The following TBC1D30 variants were observed in gnomAD, a reference collection of about 807,000 sequenced individuals.
TBC1D30 encodes TBC1 domain family, member 30.
A neutral mutation model predicts 63.2 loss-of-function variants in TBC1D30; 31 were observed. The observed-to-expected ratio is 0.49, with a 90% confidence interval of 0.37 to 0.66. The LOEUF (loss-of-function observed/expected upper bound fraction) is 0.66, where lower values mean the gene tolerates loss of function less well. TBC1D30 is among the 30% of genes least tolerant of loss of function. TBC1D30 has a pLI of 0.00. For synonymous variants in TBC1D30, 307 were observed against 361.5 expected (o/e 0.85, Z 1.71); for missense variants, 810 against 953.6 (o/e 0.85, Z 1.98).
chr12:64,781,255 G>A, exon 1 of TBC1D30: 1 of 1,157,022 alleles, frequency 8.6e-7, no homozygotes, highest in Non-Finnish European at 1.1e-6. Flanking sequence ...GACCGAGCCA[G>A]CGGCATCAGA....
intron 2 of TBC1D30, among the ~76,000 whole-genome samples, chr12:64,802,155 T>C (rs1872611438): frequency 6.6e-6 from 1 of 152,232 alleles, no homozygotes; most frequent in Non-Finnish European, 1.5e-5. Flanking sequence ...AGCTCTTTTT[T>C]GGTTCTGTCC....
rs1229851305 is a variant in TBC1D30 at position 64,848,428 on chromosome 12, C to T, written c.1038+4943C>T. Among the ~76,000 whole-genome samples the T allele has an allele frequency of 2.0e-5, 3 of 152,066 alleles. No homozygotes were observed. In the East Asian group the frequency reaches 5.8e-4, roughly 29 times the overall value. ...TCCTAATGCTATCCCTCCCTTAGCC[C>T]CATACCCCGCGACAGGCCCCGGTAT... On this transcript the variant is annotated intron_variant, in intron 8 of 11. Coordinates refer to ENST00000539867, the MANE Select transcript of TBC1D30 (RefSeq NM_015279.2).
chr12:64,827,526 T>C (rs1874463072), intron 1 of TBC1D30, among the ~76,000 whole-genome samples: 1 of 152,184 alleles, frequency 6.6e-6, no homozygotes, highest in South Asian at 2.1e-4. Flanking sequence ...AGGAACCAAG[T>C]CGAATGGAGG....
rs1879327353 is a variant in TBC1D30 at position 64,879,608 on chromosome 12, A to G, written c.*3820A>G. 1 of 152,178 alleles carries G rather than the reference A, an allele frequency of 6.6e-6. No individual in the cohort carries two copies. The allele number at this position is 152,178 out of a possible 1,614,324, so 9.4% of individuals were successfully genotyped here. ...TATGACTTCTAGTGTGGAAGTGCCA[A>G]CAGAAGTGTTTTAGAAGCAGTGATA... is the stretch of plus-strand genomic sequence containing the variant. On this transcript the variant is annotated 3_prime_UTR_variant, in exon 12 of 12. Transcript: ENST00000539867.
At chr12:64,761,470 A>G (rs1870510317) in intron 1 of TBC1D30, among the ~76,000 whole-genome samples, 1 of 152,192 alleles carries the variant, frequency 6.6e-6, no homozygotes, top group Non-Finnish European at 1.5e-5. Context: ...GGAGGTCATA[A>G]AGATACAAGA....
chr12:64,793,980 G>A (rs919597540), intron 2 of TBC1D30, among the ~76,000 whole-genome samples: 13 of 152,192 alleles, frequency 8.5e-5, no homozygotes, highest in African/African-American at 2.4e-4. Context: ...CCTTGAGAGA[G>A]AGTGCTTGTG....
At chr12:64,843,562 C>A in intron 8 of TBC1D30, 77 bp downstream of exon 8, 1 of 1,083,814 alleles carries the variant, frequency 9.2e-7, no homozygotes, top group Non-Finnish European at 1.3e-6. Flanking sequence ...GAGCAGCGGT[C>A]TTGAGAAATG....
chr12:64,810,519 C>G (rs939652905), intron 2 of TBC1D30, among the ~76,000 whole-genome samples: 16 of 152,246 alleles, frequency 1.1e-4, no homozygotes, highest in African/African-American at 3.4e-4. Flanking sequence ...GGGAGAATCA[C>G]GTGAACCTGG....
upstream of TBC1D30, among the ~76,000 whole-genome samples, chr12:64,779,481 C>G (rs546445799): frequency 2.3e-4 from 35 of 152,118 alleles, no homozygotes; most frequent in African/African-American, 8.0e-4. Context: ...TTCTGCTTGT[C>G]TCATATTAAC....
chr12:64,853,814 G>A (rs1400867250), intron 8 of TBC1D30, among the ~76,000 whole-genome samples: 1 of 152,286 alleles, frequency 6.6e-6, no homozygotes, highest in South Asian at 2.1e-4. Context: ...CCCTCCGTGG[G>A]CTGCACCCAT....
chr12:64,794,604 T>G (rs2136307030), intron 2 of TBC1D30, among the ~76,000 whole-genome samples: 1 of 152,136 alleles, frequency 6.6e-6, no homozygotes, highest in Middle Eastern at 3.4e-3. Context: ...TGGCTAATTT[T>G]TGTATTTTTT....
intron 2 of TBC1D30, among the ~76,000 whole-genome samples, chr12:64,806,713 G>A (rs1344475390): frequency 1.3e-5 from 2 of 152,194 alleles, no homozygotes; most frequent in Non-Finnish European, 2.9e-5. Context: ...GTCTCAAAGA[G>A]ATATTTGCAC....
At chr12:64,792,982 G>A (rs1218442170) in intron 2 of TBC1D30, among the ~76,000 whole-genome samples, 2 of 152,238 alleles carry the variant, frequency 1.3e-5, no homozygotes, top group African/African-American at 2.4e-5. Flanking sequence ...GCCCACAGAA[G>A]TATTGTGCTT....
intron 1 of TBC1D30, chr12:64,785,796 C>G: frequency 2.7e-6 from 3 of 1,091,586 alleles, no homozygotes; most frequent in African/African-American, 1.6e-5. Context: ...AATGGATGTT[C>G]TATTTATCTT....
chr12:64,787,947 T>A (rs944864188), intron 2 of TBC1D30, among the ~76,000 whole-genome samples: 1 of 151,872 alleles, frequency 6.6e-6, no homozygotes, highest in African/African-American at 2.4e-5. Context: ...GGCAGGAGAA[T>A]CACTTGAACC....
At chr12:64,870,179 T>G (rs1268569054) in intron 10 of TBC1D30, among the ~76,000 whole-genome samples, 1 of 152,258 alleles carries the variant, frequency 6.6e-6, no homozygotes, top group African/African-American at 2.4e-5. Flanking sequence ...AATGCACTTT[T>G]AATGACTGTC....
intron 10 of TBC1D30, 66 bp downstream of exon 10, chr12:64,866,969 G>A: frequency 3.3e-6 from 5 of 1,493,498 alleles, no homozygotes; most frequent in Non-Finnish European, 4.5e-6. Context: ...GAGTGATATT[G>A]TGTCCTATAG....
intron 8 of TBC1D30, among the ~76,000 whole-genome samples, chr12:64,849,700 G>T (rs201882414): frequency 6.6e-6 from 1 of 152,124 alleles, no homozygotes; most frequent in African/African-American, 2.4e-5. Flanking sequence ...TTGAAGTCGG[G>T]GTAGTGTGAT....
intron 1 of TBC1D30, among the ~76,000 whole-genome samples, chr12:64,759,825 A>G (rs1870430701): frequency 6.6e-6 from 1 of 152,126 alleles, no homozygotes; most frequent in South Asian, 2.1e-4. Flanking sequence ...AGAAATTATC[A>G]TCAGCTGGTG....
Sources: allele counts gnomAD v4.1 joint callset (sites outside exome capture counted in the v4.1 genomes callset), GRCh38; gene constraint gnomAD v4.1.1; transcripts MANE v1.5; gene names NCBI Gene and HGNC (gene_info 2026-07-23, HGNC 2026-07-21).